PAK2: variants seen among roughly 807,000 people sequenced by gnomAD.
PAK2 encodes the protein p21 (RAC1) activated kinase 2, also known as serine/threonine-protein kinase PAK 2.
Under a neutral mutation model 65.9 loss-of-function variants are expected in PAK2, and 21 were observed. The ratio of observed to expected loss-of-function variants is 0.32; its 90% CI spans 0.23 to 0.46. The LOEUF (loss-of-function observed/expected upper bound fraction) is 0.46, where lower values mean the gene tolerates loss of function less well. PAK2 is among the 20% of genes least tolerant of loss of function. PAK2 has a pLI of 1.00. For missense variants in PAK2, 324 were observed against 642.6 expected (o/e 0.50, Z 5.36); for synonymous variants, 204 against 219.7 (o/e 0.93, Z 0.63).
At chr3:196,757,800 G>A (rs1271029515) in intron 1 of PAK2, among the ~76,000 whole-genome samples, 1 of 152,072 alleles carries the variant, frequency 6.6e-6, no homozygotes, top group Non-Finnish European at 1.5e-5. Flanking sequence ...GATAAATACC[G>A]AGAATACTCG....
In PAK2 at chr3:196,761,126, G is replaced by A. The variant is rs376919549; in HGVS notation, c.-22+20969G>A. ...ACCTGTAATCCCGGCTACTCGGTAAGGCTGAGGCAGGAGAACCGCTTTTTT... is the reference window on the plus strand; with the variant it reads ...ACCTGTAATCCCGGCTACTCGGTAAAGCTGAGGCAGGAGAACCGCTTTTTT... On this transcript the variant is annotated intron_variant, in intron 1 of 14. Coordinates refer to ENST00000327134, the MANE Select transcript of PAK2 (RefSeq NM_002577.4). 2.5e-4 allele frequency among the ~76,000 whole-genome samples: 38 copies of A among 149,994 alleles called. No individual in the cohort carries two copies. The East Asian group carries it at 4.5e-3, about 18-fold the overall frequency.
chr3:196,742,169 A>G (rs115207387), intron 1 of PAK2, among the ~76,000 whole-genome samples: 2,510 of 147,854 alleles, frequency 0.017, 28 homozygotes, highest in Non-Finnish European at 0.028. Context: ...GATCACCGCA[A>G]CCTCCGCCTC....
At chr3:196,807,125 G>A (rs1715610289) in intron 6 of PAK2, among the ~76,000 whole-genome samples, 1 of 152,130 alleles carries the variant, frequency 6.6e-6, no homozygotes. Context: ...AACCAGGTAA[G>A]GGAGAATTTT....
At chr3:196,762,946 G>C (rs2108722223) in intron 1 of PAK2, among the ~76,000 whole-genome samples, 1 of 152,246 alleles carries the variant, frequency 6.6e-6, no homozygotes, top group Admixed American at 6.5e-5. Context: ...AAACATAATT[G>C]ACTGACTATA....
At chr3:196,827,724 C>T (rs981598214) in intron 14 of PAK2, among the ~76,000 whole-genome samples, 11 of 151,920 alleles carry the variant, frequency 7.2e-5, no homozygotes, top group South Asian at 2.1e-4. Context: ...GCACGTTGTG[C>T]GCATGTACCC....
At chr3:196,749,050 A>G (rs991942823) in intron 1 of PAK2, among the ~76,000 whole-genome samples, 6 of 150,940 alleles carry the variant, frequency 4.0e-5, no homozygotes, top group African/African-American at 1.5e-4. Context: ...CTCAAGCTTC[A>G]TCTGTGTTGT....
chr3:196,783,162 C>T (rs1434051535), intron 2 of PAK2, among the ~76,000 whole-genome samples: 4 of 151,990 alleles, frequency 2.6e-5, no homozygotes, highest in African/African-American at 9.7e-5. Flanking sequence ...GCCCACAGTC[C>T]CCTGTCTGAA....
At chr3:196,746,019 G>C (rs1302276559) in intron 1 of PAK2, among the ~76,000 whole-genome samples, 1 of 150,994 alleles carries the variant, frequency 6.6e-6, no homozygotes, top group Non-Finnish European at 1.5e-5. Context: ...TTTAAAGACG[G>C]GGTTTCACCG....
chr3:196,800,296 T>A (rs544073421), intron 2 of PAK2, among the ~76,000 whole-genome samples: 1 of 152,104 alleles, frequency 6.6e-6, no homozygotes, highest in African/African-American at 2.4e-5. Flanking sequence ...GTAGGAGAAT[T>A]GCTTGAACCC....
chr3:196,802,346 A>G (rs1316036787), intron 3 of PAK2, among the ~76,000 whole-genome samples: 1 of 152,186 alleles, frequency 6.6e-6, no homozygotes, highest in Non-Finnish European at 1.5e-5. Flanking sequence ...GGTTGCAGTG[A>G]ACAGAGACTG....
intron 2 of PAK2, among the ~76,000 whole-genome samples, chr3:196,785,756 G>T (rs1326507687): frequency 6.6e-6 from 1 of 152,164 alleles, no homozygotes; most frequent in Non-Finnish European, 1.5e-5. Flanking sequence ...CACAATTATG[G>T]CGGAAGGCAA....
chr3:196,775,207 T>C (rs1276611692), intron 1 of PAK2, among the ~76,000 whole-genome samples: 1 of 152,202 alleles, frequency 6.6e-6, no homozygotes, highest in Admixed American at 6.5e-5. Flanking sequence ...GCTTAAAGGG[T>C]ACGTCATGTT....
At chr3:196,795,282 C>G (rs1404364342) in intron 2 of PAK2, among the ~76,000 whole-genome samples, 1 of 142,846 alleles carries the variant, frequency 7.0e-6, no homozygotes, top group African/African-American at 2.5e-5. Flanking sequence ...ATGGCAAAAT[C>G]CCATCTCTAC....
At chr3:196,773,553 T>C (rs1420901309) in intron 1 of PAK2, among the ~76,000 whole-genome samples, 1 of 152,098 alleles carries the variant, frequency 6.6e-6, no homozygotes, top group Non-Finnish European at 1.5e-5. Flanking sequence ...TATGGGGTAG[T>C]TGATGTTGTC....
chr3:196,769,855 A>G (rs1037897287), intron 1 of PAK2, among the ~76,000 whole-genome samples: 8 of 151,982 alleles, frequency 5.3e-5, no homozygotes, highest in African/African-American at 1.9e-4. Context: ...TTCCGCATCC[A>G]TTAAGCCGTA....
Position 196,831,495 on chromosome 3 carries a change from T to C in PAK2, c.*3090T>C, listed in dbSNP as rs145038146. 1 of 152,324 alleles carries C rather than the reference T, an allele frequency of 6.6e-6. No individual in the cohort carries two copies. Among genetic ancestry groups the C allele is most frequent in the East Asian group, 1.9e-4 (1 of 5,190 alleles). The allele number at this position is 152,324 out of a possible 1,614,324, so 9.4% of individuals were successfully genotyped here. A position where few individuals can be genotyped will look rare whatever the true frequency, so the allele number is the denominator to read the frequency against. On this transcript the variant is annotated 3_prime_UTR_variant, in exon 15 of 15. Transcript: ENST00000327134. ...GCTAATACAACTCTGTCTTCATGTG[T>C]TGACTGCCTGGCACATAGTATTCAT... is the stretch of plus-strand genomic sequence containing the variant.
chr3:196,758,322 AT>A (rs1224577497), intron 1 of PAK2, among the ~76,000 whole-genome samples: 2 of 152,224 alleles, frequency 1.3e-5, no homozygotes, highest in Non-Finnish European at 2.9e-5. Flanking sequence ...AGAGAATGAC[AT>A]TTAAGCTAGT....
At chr3:196,757,420 A>AT (rs1187421751) in intron 1 of PAK2, among the ~76,000 whole-genome samples, 1 of 152,146 alleles carries the variant, frequency 6.6e-6, no homozygotes, top group Non-Finnish European at 1.5e-5. Context: ...AGTTTCTGTT[A>AT]TTTTTTCCAT....
intron 13 of PAK2, among the ~76,000 whole-genome samples, chr3:196,825,056 T>TA (rs1248970287): frequency 6.6e-6 from 1 of 152,106 alleles, no homozygotes; most frequent in Non-Finnish European, 1.5e-5. Flanking sequence ...TTAAAAATAA[T>TA]AATTTAGGAC....
Sources: gnomAD v4.1 joint callset for allele counts (sites outside exome capture counted in the v4.1 genomes callset) on GRCh38, gnomAD v4.1.1 for gene constraint, MANE v1.5 for transcripts, NCBI Gene and HGNC (gene_info 2026-07-23, HGNC 2026-07-21) for gene names.